DPYD: variants seen among roughly 807,000 people sequenced by gnomAD.
DPYD encodes dihydropyrimidine dehydrogenase [NADP(+)].
A neutral mutation model predicts 116.2 loss-of-function variants in DPYD; 109 were observed. The ratio of observed to expected loss-of-function variants is 0.94; its 90% CI spans 0.80 to 1.10. The LOEUF is 1.10. Among genes scored for constraint, DPYD ranks in the 50% least tolerant of loss-of-function variants. The probability of loss-of-function intolerance (pLI) is 0.00; values close to 1 mark genes in which losing one functional copy is unlikely to be tolerated. For synonymous variants in DPYD, 440 were observed against 432.0 expected (o/e 1.02, Z -0.23); for missense variants, 1,302 against 1,254.5 (o/e 1.04, Z -0.57).
At chr1:97,538,915 T>G (rs1326556281) in intron 12 of DPYD, among the ~76,000 whole-genome samples, 1 of 152,138 alleles carries the variant, frequency 6.6e-6, no homozygotes, top group Non-Finnish European at 1.5e-5. Flanking sequence ...ATAATATAGA[T>G]TCATAAATGA....
chr1:97,113,648 G>A (rs914033638), intron 20 of DPYD, among the ~76,000 whole-genome samples: 1 of 151,942 alleles, frequency 6.6e-6, no homozygotes, highest in African/African-American at 2.4e-5. Context: ...TGATATATTT[G>A]AATATCAGTT....
chr1:97,900,379 A>G (rs545340781), intron 1 of DPYD, among the ~76,000 whole-genome samples: 8 of 151,858 alleles, frequency 5.3e-5, no homozygotes, highest in Non-Finnish European at 1.2e-4. Flanking sequence ...ACAGTGCCCA[A>G]GGTGATTCTG....
intron 3 of DPYD, among the ~76,000 whole-genome samples, chr1:97,810,362 T>C (rs1396178688): frequency 2.0e-5 from 3 of 151,058 alleles, no homozygotes; most frequent in Admixed American, 1.3e-4. Context: ...ATACAACAGA[T>C]GTGAAGAGAA....
At position 97,291,350 on chromosome 1, in the gene DPYD, G is replaced by T. The variant is rs1016430811; in HGVS notation, c.2299+13909C>A. Among the ~76,000 whole-genome samples the T allele has an allele frequency of 5.6e-4, 85 of 152,000 alleles. No individual in the cohort carries two copies. In the Middle Eastern group the frequency reaches 0.014, roughly 24 times the overall value. On this transcript the variant is annotated intron_variant, in intron 18 of 22. Transcript: ENST00000370192. ...TCCCATTACTGGGTATATACCCAAA[G>T]GACTATAAATCATGCTGCTATAAAG...
chr1:97,089,680 C>T (rs1386685686), intron 21 of DPYD, among the ~76,000 whole-genome samples: 2 of 150,490 alleles, frequency 1.3e-5, no homozygotes, highest in African/African-American at 4.9e-5. Flanking sequence ...TAATATGGGC[C>T]ATACGCATGG....
intron 3 of DPYD, among the ~76,000 whole-genome samples, chr1:97,795,605 T>C (rs1346503103): frequency 6.6e-6 from 1 of 151,986 alleles, no homozygotes; most frequent in Non-Finnish European, 1.5e-5. Flanking sequence ...TCTTAGCAAC[T>C]TCACTTTTTG....
At chr1:97,136,503 C>T (rs988745895) in intron 20 of DPYD, among the ~76,000 whole-genome samples, 5 of 152,084 alleles carry the variant, frequency 3.3e-5, no homozygotes, top group Non-Finnish European at 7.4e-5. Context: ...CTTTTGGACA[C>T]GTAATGAGAT....
intron 5 of DPYD, chr1:97,700,325 AGAGT>A: frequency 2.2e-6 from 1 of 454,884 alleles, no homozygotes; most frequent in Non-Finnish European, 4.4e-6. Context: ...AAAGTACAGA[AGAGT>A]GAGATTAATT....
chr1:97,487,408 T>C (rs1392362998), intron 13 of DPYD, among the ~76,000 whole-genome samples: 1 of 152,176 alleles, frequency 6.6e-6, no homozygotes, highest in African/African-American at 2.4e-5. Context: ...GCGCGGTGGC[T>C]CACATCTGTA....
At chr1:97,750,476 C>T (rs1408467767) in intron 3 of DPYD, among the ~76,000 whole-genome samples, 1 of 152,078 alleles carries the variant, frequency 6.6e-6, no homozygotes, top group Non-Finnish European at 1.5e-5. Context: ...TTTCACAATG[C>T]TATATTGTTT....
chr1:97,778,031 G>A (rs573046034), intron 3 of DPYD, among the ~76,000 whole-genome samples: 13 of 151,400 alleles, frequency 8.6e-5, no homozygotes, highest in South Asian at 6.3e-4. Flanking sequence ...GGTAGCACAC[G>A]TCTGTAGTCC....
At chr1:97,792,396 C>A (rs1288974670) in intron 3 of DPYD, among the ~76,000 whole-genome samples, 3 of 151,968 alleles carry the variant, frequency 2.0e-5, no homozygotes, top group Non-Finnish European at 4.4e-5. Context: ...TGCTTCCAGG[C>A]AGCCAACACA....
chr1:97,391,219 A>C (rs2101602026), intron 14 of DPYD, among the ~76,000 whole-genome samples: 1 of 152,056 alleles, frequency 6.6e-6, no homozygotes, highest in African/African-American at 2.4e-5. Context: ...GAAAATCTCG[A>C]AAGTGTATAC....
chr1:97,321,302 A>G (rs1668245981), intron 16 of DPYD, among the ~76,000 whole-genome samples: 1 of 56,590 alleles, frequency 1.8e-5, no homozygotes, highest in Non-Finnish European at 3.9e-5. Flanking sequence ...CAGGCAACCT[A>G]CAACATGGGA....
chr1:97,235,005 T>A lies in DPYD; in HGVS notation c.2300-11A>T, dbSNP rs750226917. On this transcript the variant is annotated splice_polypyrimidine_tract_variant and intron_variant, in intron 18 of 22. Coordinates refer to ENST00000370192, the MANE Select transcript of DPYD (RefSeq NM_000110.4). The stretch of plus-strand genomic sequence containing the variant: ...GTCTGATTGCTGTCCCTACACAAAA[T>A]CAGAATAATCAATGGTTAGCACACT... 1.9e-6 allele frequency: 3 copies of A among 1,614,104 alleles called. No individual in the cohort carries two copies. The highest frequency in any genetic ancestry group is 2.5e-6 in the Non-Finnish European group (3 of 1,179,990).
intron 20 of DPYD, among the ~76,000 whole-genome samples, chr1:97,180,116 CT>C (rs760459514): frequency 2.9e-4 from 43 of 147,758 alleles, no homozygotes; most frequent in African/African-American, 4.9e-4. Flanking sequence ...TTTTGTTTGA[CT>C]TTTTTTTTTG....
At chr1:97,378,986 C>A (rs570728170) in intron 15 of DPYD, among the ~76,000 whole-genome samples, 1 of 152,188 alleles carries the variant, frequency 6.6e-6, no homozygotes, top group Non-Finnish European at 1.5e-5. Context: ...ATTGTAAACA[C>A]AGAGTTAGGT....
At chr1:97,710,995 A>G (rs1662252495) in intron 5 of DPYD, among the ~76,000 whole-genome samples, 1 of 151,880 alleles carries the variant, frequency 6.6e-6, no homozygotes, top group African/African-American at 2.4e-5. Flanking sequence ...AAGAGTAATG[A>G]TTACTTCAGC....
chr1:97,614,839 G>A (rs1656168453), intron 8 of DPYD, among the ~76,000 whole-genome samples: 1 of 152,044 alleles, frequency 6.6e-6, no homozygotes, highest in Non-Finnish European at 1.5e-5. Flanking sequence ...ACAATTCTTA[G>A]TGACTAAAAT....
Sources: allele counts gnomAD v4.1 joint callset (sites outside exome capture counted in the v4.1 genomes callset), GRCh38; gene constraint gnomAD v4.1.1; transcripts MANE v1.5; gene names NCBI Gene and HGNC (gene_info 2026-07-23, HGNC 2026-07-21).